PGLYRP2: variants seen among roughly 807,000 people sequenced by gnomAD.
PGLYRP2 encodes the protein peptidoglycan recognition protein 2, also known as N-acetylmuramoyl-L-alanine amidase.
Under a neutral mutation model 46.2 loss-of-function variants are expected in PGLYRP2, and 38 were observed. That is an observed-to-expected ratio of 0.82 (90% CI 0.64 to 1.08). The LOEUF is 1.08. Ranked by LOEUF, PGLYRP2 falls within the 50% of genes least tolerant of loss-of-function variation. PGLYRP2 has a pLI of 0.00. For synonymous variants in PGLYRP2, 289 were observed against 329.4 expected (o/e 0.88, Z 1.33); for missense variants, 713 against 755.9 (o/e 0.94, Z 0.67).
At position 15,469,685 on chromosome 19, in the gene PGLYRP2, A is replaced by G. The variant is rs779314154; in HGVS notation, c.1588T>C (p.Cys530Arg). 13 of 1,535,702 alleles carry G rather than the reference A, an allele frequency of 8.5e-6. No individual in the cohort carries two copies. Among genetic ancestry groups the G allele is most frequent in the Non-Finnish European group, 1.1e-5 (13 of 1,146,164 alleles). The change falls in exon 4 of 5, where the codon TGC (cysteine) becomes CGC (arginine). Residue 530 changes from cysteine to arginine, a missense_variant. Physicochemically the swap from Cys to Arg is radical, Grantham distance 180. Coordinates refer to ENST00000340880, the MANE Select transcript of PGLYRP2 (RefSeq NM_052890.4). The surrounding 1 kb of genome is among the most constrained non-coding windows in gnomAD (Gnocchi z 4.9). ...LGHRQLVRTD[C>R]PGDALFDLLR... ...AGGTCGAAGAGCGCGTCGCCGGGGC[A>G]GTCGGTGCGCACCAGCTGGCGGTGG...
chr19:15,470,262 T>TCCCTTCCTTCCTTCCA (rs1970733874), intron 3 of PGLYRP2, among the ~76,000 whole-genome samples: 1 of 121,352 alleles, frequency 8.2e-6, no homozygotes, highest in Non-Finnish European at 1.7e-5. Context: ...CCTTCCTTCC[T>TCCCTTCCTTCCTTCCA]TCCTTCCTTC....
In PGLYRP2 at chr19:15,475,973, G is replaced by A. The variant is rs376518031; in HGVS notation, c.697C>T (p.Arg233Ter). ...GGATGGCTCTGGGTCTGGGAACCTC[G>A]GAGGAAGGTCAGGCCCAGGTTTCCA... ...LAGNLGLTFL[R>*]GSQTQSHPDL... The change falls in exon 2 of 5, where the codon CGA (arginine) becomes TGA (stop). Residue 233 changes from arginine (R) to a stop codon, truncating the protein, a stop_gained. Transcript: ENST00000340880. LOFTEE classifies it high-confidence loss of function. 44 of 1,614,026 alleles carry A rather than the reference G, an allele frequency of 2.7e-5. No homozygotes were observed. The highest frequency in any genetic ancestry group is 6.7e-5 in the African/African-American group (5 of 74,922).
At chr19:15,470,255 T>TCCTTCCTC (rs1356548670) in intron 3 of PGLYRP2, among the ~76,000 whole-genome samples, 24 of 114,054 alleles carry the variant, frequency 2.1e-4, no homozygotes, top group South Asian at 3.1e-4. Context: ...CTTCCTTCCT[T>TCCTTCCTC]CCTTCCTTCC....
At chr19:15,471,566 C>G (rs377704353) in intron 3 of PGLYRP2, among the ~76,000 whole-genome samples, 4 of 152,234 alleles carry the variant, frequency 2.6e-5, no homozygotes, top group African/African-American at 7.2e-5. Flanking sequence ...CGCACCAGGC[C>G]TCCTTGTCTG....
Position 15,475,870 on chromosome 19 carries a change from A to C in PGLYRP2, c.800T>G (p.Leu267Arg). The C allele has an allele frequency of 1.2e-6, 2 of 1,614,076 alleles. No individual in the cohort carries two copies. Among genetic ancestry groups the C allele is most frequent in the Non-Finnish European group, 1.7e-6 (2 of 1,180,016 alleles). Residue 267 changes from leucine to arginine, a missense_variant, in exon 2 of 5, where the codon CTG (leucine) becomes CGG (arginine). Physicochemically the swap from Leu to Arg is moderately radical, Grantham distance 102. Coordinates refer to ENST00000340880, the MANE Select transcript of PGLYRP2 (RefSeq NM_052890.4). The stretch of plus-strand genomic sequence containing the variant: ...GCCATTGAGGAAGGCCATGGTTAAC[A>C]GAGATGCCTTGGGGTCCAAAAGCGT... ...TFTLLDPKAS[L>R]LTMAFLNGAL... is the part of the protein sequence containing the mutation.
chr19:15,469,176 A>G lies in PGLYRP2; in HGVS notation c.1642-424T>C. 1 of 583,386 alleles carries G rather than the reference A, an allele frequency of 1.7e-6. No individual in the cohort carries two copies. Among genetic ancestry groups the G allele is most frequent in the Non-Finnish European group, 3.1e-6 (1 of 327,330 alleles). The allele number at this position is 583,386 out of a possible 1,614,324, so 36.1% of individuals were successfully genotyped here. A position where few individuals can be genotyped will look rare whatever the true frequency, so the allele number is the denominator to read the frequency against. On this transcript the variant is annotated intron_variant, in intron 4 of 4. Coordinates refer to ENST00000340880, the MANE Select transcript of PGLYRP2 (RefSeq NM_052890.4). This position sits in a 1 kb window ranked among gnomAD's most constrained non-coding sequence, Gnocchi z 4.9. The stretch of plus-strand genomic sequence containing the variant: ...AGGCAAAAGGTCACAGCCTAGGTTC[A>G]TGTTGTGTGGACAGAGGGCCTTCGG...
intron 3 of PGLYRP2, among the ~76,000 whole-genome samples, chr19:15,470,278 TTCCTTCCTTCCTTCC>T (rs1568340242): frequency 5.3e-5 from 7 of 132,426 alleles, no homozygotes; most frequent in African/African-American, 1.2e-4. Flanking sequence ...CCTTCCTTCC[TTCCTTCCTTCCTTCC>T]TTCTTTCTTT....
At chr19:15,475,078 A>G (rs8105422) in intron 2 of PGLYRP2, among the ~76,000 whole-genome samples, 57,402 of 151,982 alleles carry the variant, frequency 0.38, 10,956 homozygotes, top group African/African-American at 0.4. Flanking sequence ...AAAGACAAAT[A>G]CCGTAAGTTC....
intron 3 of PGLYRP2, 118 bp from the exon 4 acceptor site, chr19:15,470,047 G>A: frequency 9.0e-7 from 1 of 1,111,948 alleles, no homozygotes; most frequent in East Asian, 3.2e-5. Flanking sequence ...GACCCGCGCG[G>A]TCGCGCTGCC....
At chr19:15,479,054 C>T (rs1326435145) in intron 1 of PGLYRP2, among the ~76,000 whole-genome samples, 4 of 152,202 alleles carry the variant, frequency 2.6e-5, no homozygotes, top group Non-Finnish European at 5.9e-5. Flanking sequence ...CAAATCATTT[C>T]TCTTTCTTCC....
At position 15,477,430 on chromosome 19, in the gene PGLYRP2, G is replaced by A. The variant is rs1323046604; in HGVS notation, c.62-822C>T. 3.5e-5 allele frequency among the ~76,000 whole-genome samples: 5 copies of A among 142,960 alleles called. No homozygotes were observed. The South Asian group carries it at 1.1e-3, about 32-fold the overall frequency. The allele number at this position is 142,960 out of a possible 152,430, so 93.8% of individuals were successfully genotyped here. A position where few individuals can be genotyped will look rare whatever the true frequency, so the allele number is the denominator to read the frequency against. On this transcript the variant is annotated intron_variant, in intron 1 of 4. Coordinates refer to ENST00000340880, the MANE Select transcript of PGLYRP2 (RefSeq NM_052890.4). ...AAAAAAAAAAATGCCAGACGCAGTG[G>A]CTCACGCCTGTAATCCCAGCACTTT...
At chr19:15,478,626 C>CTT (rs1262985312) in intron 1 of PGLYRP2, among the ~76,000 whole-genome samples, 8 of 147,598 alleles carry the variant, frequency 5.4e-5, no homozygotes, top group African/African-American at 2.0e-4. Flanking sequence ...CAGGATTTGC[C>CTT]TTTGTTTTTT....
intron 3 of PGLYRP2, among the ~76,000 whole-genome samples, 164 bp downstream of exon 3, chr19:15,471,726 C>T (rs946853425): frequency 6.6e-6 from 1 of 152,212 alleles, no homozygotes; most frequent in African/African-American, 2.4e-5. Flanking sequence ...CGCCCCTAGC[C>T]TAAGCCACGC....
chr19:15,477,089 A>G (rs1329205554), intron 1 of PGLYRP2, among the ~76,000 whole-genome samples: 4 of 151,890 alleles, frequency 2.6e-5, no homozygotes, highest in African/African-American at 9.7e-5. Context: ...TTAGAGGGAA[A>G]GGTATTTTGA....
Position 15,469,474 on chromosome 19 carries a change from G to C in PGLYRP2, c.1641+158C>G. On this transcript the variant is annotated intron_variant, in intron 4 of 4. Coordinates refer to ENST00000340880, the MANE Select transcript of PGLYRP2 (RefSeq NM_052890.4). This position sits in a 1 kb window ranked among gnomAD's most constrained non-coding sequence, Gnocchi z 4.9. The stretch of plus-strand genomic sequence containing the variant: ...GTTGCCCGCAGAGTGACCCGCAAAG[G>C]CTGGGCCTAGGTTTCCTGAATAGAC... The C allele has an allele frequency of 9.7e-7, 1 of 1,028,598 alleles. No homozygotes were observed. Among genetic ancestry groups the C allele is most frequent in the Non-Finnish European group, 1.5e-6 (1 of 682,020 alleles). 63.7% of individuals were successfully genotyped at this position (1,028,598 alleles called of 1,614,324 possible).
chr19:15,475,465 TC>T, intron 2 of PGLYRP2, 72 bp downstream of exon 2: 2 of 1,429,346 alleles, frequency 1.4e-6, no homozygotes, highest in Non-Finnish European at 1.9e-6. Flanking sequence ...GTCCTCAACT[TC>T]CCTGAATATA....
rs368881529 is a variant in PGLYRP2 at position 15,475,711 on chromosome 19, C to T, written c.959G>A (p.Arg320Gln). The change falls in exon 2 of 5, where the codon CGG (arginine) becomes CAG (glutamine). Residue 320 changes from arginine (R) to glutamine (Q), a missense_variant. By Grantham distance (43) the Arg-to-Gln change is conservative. Coordinates refer to ENST00000340880, the MANE Select transcript of PGLYRP2 (RefSeq NM_052890.4). The stretch of plus-strand genomic sequence containing the variant: ...TGAAGTCAGAGCAGCACCGTTCTGC[C>T]GTCGGAAGTTGCTGCGGAACCCTGG... Reference protein sequence around the residue: ...RDPGFRSNFRRQNGAALTSAS... With the variant: ...RDPGFRSNFRQQNGAALTSAS... 37 of 1,613,930 alleles carry T rather than the reference C, an allele frequency of 2.3e-5. No homozygotes were observed. In the Middle Eastern group the frequency reaches 6.6e-4, roughly 29 times the overall value.
intron 2 of PGLYRP2, among the ~76,000 whole-genome samples, chr19:15,472,669 G>C (rs961913400): frequency 6.6e-6 from 1 of 152,188 alleles, no homozygotes; most frequent in East Asian, 1.9e-4. Flanking sequence ...GGGAGGCGAG[G>C]TGGGTGGATT....
intron 4 of PGLYRP2, 156 bp from the exon 5 acceptor site, chr19:15,468,908 G>A (rs531768639): frequency 1.9e-5 from 11 of 575,938 alleles, no homozygotes; most frequent in African/African-American, 9.3e-5. Context: ...GGATGTGCTA[G>A]TCAATAGCTT....
Sources: gnomAD v4.1 joint callset for allele counts (sites outside exome capture counted in the v4.1 genomes callset) on GRCh38, gnomAD v4.1.1 for gene constraint, Gnocchi (gnomAD v3.1) non-coding constraint, MANE v1.5 for transcripts, NCBI Gene and HGNC (gene_info 2026-07-23, HGNC 2026-07-21) for gene names.